LOC128125817: variants seen among roughly 807,000 people sequenced by gnomAD.
chr1:41,605,367 G>A, the LOC128125817 span, among the ~76,000 whole-genome samples: 9 of 111,780 alleles, frequency 8.1e-5, no homozygotes, highest in South Asian at 3.0e-4. Context: ...ATACACACAC[G>A]CACACGCGCA....
At chr1:41,621,240 G>A in the LOC128125817 span, among the ~76,000 whole-genome samples, 1 of 152,206 alleles carries the variant, frequency 6.6e-6, no homozygotes, top group Non-Finnish European at 1.5e-5. Flanking sequence ...TCAGCCTCCT[G>A]GCCCCCAGTA....
chr1:41,589,777 G>A, the LOC128125817 span, among the ~76,000 whole-genome samples: 4 of 152,198 alleles, frequency 2.6e-5, no homozygotes, highest in African/African-American at 9.7e-5. Context: ...CCCCAGGCTG[G>A]TGGGGCTTAA....
chr1:41,628,656 T>C, the LOC128125817 span: 1 of 958,592 alleles, frequency 1.0e-6, no homozygotes, highest in Non-Finnish European at 1.4e-6. Flanking sequence ...ATAACAATAA[T>C]ACATTTTTCA....
At chr1:41,620,806 C>G in the LOC128125817 span, among the ~76,000 whole-genome samples, 1 of 152,210 alleles carries the variant, frequency 6.6e-6, no homozygotes, top group African/African-American at 2.4e-5. Flanking sequence ...CCACTCCTAC[C>G]CTTTCCTTCA....
the LOC128125817 span, among the ~76,000 whole-genome samples, chr1:41,598,741 A>G: frequency 1.3e-5 from 2 of 152,220 alleles, no homozygotes; most frequent in African/African-American, 4.8e-5. Context: ...ACAAAGAGAC[A>G]CAAGAAGATC....
the LOC128125817 span, among the ~76,000 whole-genome samples, chr1:41,588,082 A>AC: frequency 5.3e-5 from 8 of 152,174 alleles, no homozygotes; most frequent in Non-Finnish European, 1.2e-4. Context: ...GGTCTTGCTT[A>AC]CCTAAGCTAA....
the LOC128125817 span, among the ~76,000 whole-genome samples, chr1:41,612,352 C>T: frequency 0.011 from 1,681 of 152,330 alleles, 12 homozygotes; most frequent in Middle Eastern, 0.024. Flanking sequence ...GCAGTGACTA[C>T]AGCTCACCAA....
the LOC128125817 span, among the ~76,000 whole-genome samples, chr1:41,620,628 G>A: frequency 3.3e-5 from 5 of 152,028 alleles, no homozygotes; most frequent in East Asian, 3.9e-4. Context: ...CACCCAGCAC[G>A]CCCCAATCCT....
At chr1:41,605,376 C>T in the LOC128125817 span, among the ~76,000 whole-genome samples, 2 of 47,902 alleles carry the variant, frequency 4.2e-5, no homozygotes, top group Non-Finnish European at 1.1e-4. Flanking sequence ...CGCACACGCG[C>T]ACACACACAC....
At chr1:41,612,130 C>A in the LOC128125817 span, among the ~76,000 whole-genome samples, 2 of 152,174 alleles carry the variant, frequency 1.3e-5, no homozygotes, top group South Asian at 4.1e-4. Flanking sequence ...ACCCTTTCTG[C>A]CTCCTGCCAG....
chr1:41,622,386 C>T, the LOC128125817 span, among the ~76,000 whole-genome samples: 1 of 151,998 alleles, frequency 6.6e-6, no homozygotes, highest in Non-Finnish European at 1.5e-5. Flanking sequence ...TGCACAAGAG[C>T]AGGGGTGGGG....
At chr1:41,620,282 A>AT in the LOC128125817 span, among the ~76,000 whole-genome samples, 1 of 151,932 alleles carries the variant, frequency 6.6e-6, no homozygotes, top group African/African-American at 2.4e-5. Flanking sequence ...GCAAACAGAA[A>AT]TTTTTTCTCG....
chr1:41,599,362 T>C, the LOC128125817 span, among the ~76,000 whole-genome samples: 1 of 152,206 alleles, frequency 6.6e-6, no homozygotes, highest in African/African-American at 2.4e-5. Flanking sequence ...CAAAGATTTC[T>C]TACTCGATTG....
the LOC128125817 span, among the ~76,000 whole-genome samples, chr1:41,604,105 T>C: frequency 6.6e-6 from 1 of 152,194 alleles, no homozygotes; most frequent in East Asian, 1.9e-4. Context: ...ATAGACACAT[T>C]TGGACAATTG....
At chr1:41,615,496 G>T in the LOC128125817 span, among the ~76,000 whole-genome samples, 1 of 152,252 alleles carries the variant, frequency 6.6e-6, no homozygotes. Flanking sequence ...GCCCAAGGAA[G>T]AGAAGGGATT....
the LOC128125817 span, among the ~76,000 whole-genome samples, chr1:41,624,797 C>T: frequency 6.6e-6 from 1 of 152,196 alleles, no homozygotes; most frequent in Non-Finnish European, 1.5e-5. Context: ...TAATGTTGAA[C>T]TGAAGACCAT....
the LOC128125817 span, among the ~76,000 whole-genome samples, chr1:41,608,430 TAGAG>T: frequency 6.6e-6 from 1 of 152,364 alleles, no homozygotes; most frequent in African/African-American, 2.4e-5. Flanking sequence ...AGACTTTCCT[TAGAG>T]AGCATTTGTT....
At chr1:41,588,821 C>T in the LOC128125817 span, among the ~76,000 whole-genome samples, 2 of 152,116 alleles carry the variant, frequency 1.3e-5, no homozygotes, top group East Asian at 1.9e-4. Context: ...CCAAGCCACA[C>T]TGGGGCTTGG....
chr1:41,597,436 C>T, the LOC128125817 span, among the ~76,000 whole-genome samples: 3,410 of 152,270 alleles, frequency 0.022, 47 homozygotes, highest in Non-Finnish European at 0.033. Context: ...TGTGCCTAGA[C>T]GGAGCAAATG....
Sources: gnomAD v4.1 joint callset for allele counts (sites outside exome capture counted in the v4.1 genomes callset) on GRCh38, gnomAD v4.1.1 for gene constraint, MANE v1.5 for transcripts.